The following RFFL variants were observed in gnomAD, a reference collection of about 807,000 sequenced individuals.
The protein encoded by RFFL is ring finger and FYVE like domain containing E3 ubiquitin protein ligase, also known as E3 ubiquitin-protein ligase rififylin.
Under a neutral mutation model 40.4 loss-of-function variants are expected in RFFL, and 16 were observed. The ratio of observed to expected loss-of-function variants is 0.40; its 90% CI spans 0.27 to 0.60. The LOEUF (loss-of-function observed/expected upper bound fraction) is 0.60, where lower values mean the gene tolerates loss of function less well. Ranked by LOEUF, RFFL falls within the 20% of genes least tolerant of loss-of-function variation. The probability of loss-of-function intolerance (pLI) is 0.47; values close to 1 mark genes in which losing one functional copy is unlikely to be tolerated. For missense variants in RFFL, 367 were observed against 451.7 expected, an observed-to-expected ratio of 0.81 and a Z score of 1.70; for synonymous variants, 154 against 167.9, an observed-to-expected ratio of 0.92 and a Z score of 0.64.
intron 1 of RFFL, among the ~76,000 whole-genome samples, chr17:35,075,376 G>A (rs531490697): frequency 6.6e-6 from 1 of 152,160 alleles, no homozygotes; most frequent in Non-Finnish European, 1.5e-5. Flanking sequence ...AGTATTCAGG[G>A]AATGACCATC....
At chr17:35,062,112 A>G (rs1448663333) in intron 1 of RFFL, among the ~76,000 whole-genome samples, 3 of 151,972 alleles carry the variant, frequency 2.0e-5, no homozygotes, top group Non-Finnish European at 4.4e-5. Context: ...GAGCATAAAA[A>G]GAATGAACAA....
chr17:35,079,925 A>T (rs1482058051), intron 1 of RFFL, among the ~76,000 whole-genome samples: 1 of 152,214 alleles, frequency 6.6e-6, no homozygotes, highest in African/African-American at 2.4e-5. Context: ...ACATAAGAGA[A>T]TCTGGAAGAT....
intron 1 of RFFL, among the ~76,000 whole-genome samples, chr17:35,086,434 T>C (rs986486595): frequency 6.6e-6 from 1 of 151,672 alleles, no homozygotes; most frequent in Non-Finnish European, 1.5e-5. Context: ...CTGAAATCAT[T>C]CCATGGCACT....
chr17:35,031,627 A>G (rs1237434402), intron 1 of RFFL, among the ~76,000 whole-genome samples: 1 of 151,970 alleles, frequency 6.6e-6, no homozygotes, highest in Non-Finnish European at 1.5e-5. Context: ...TTGGGAGGCT[A>G]CACAGAGGGA....
At chr17:35,051,488 T>C (rs1955051502) in intron 1 of RFFL, among the ~76,000 whole-genome samples, 1 of 152,142 alleles carries the variant, frequency 6.6e-6, no homozygotes, top group Non-Finnish European at 1.5e-5. Flanking sequence ...AGTATTTCAG[T>C]GACAATAAAG....
At chr17:35,054,439 C>A (rs565928422) in intron 1 of RFFL, among the ~76,000 whole-genome samples, 2 of 152,296 alleles carry the variant, frequency 1.3e-5, no homozygotes, top group African/African-American at 4.8e-5. Context: ...GATGGAGGCA[C>A]ATCTCATACA....
At chr17:35,060,393 T>C (rs569898690) in intron 1 of RFFL, among the ~76,000 whole-genome samples, 6 of 152,286 alleles carry the variant, frequency 3.9e-5, no homozygotes, top group South Asian at 2.1e-4. Context: ...ATAGAGTATA[T>C]TTAACTACTA....
chr17:35,012,508 T>C (rs532093931), intron 6 of RFFL, among the ~76,000 whole-genome samples: 35 of 152,334 alleles, frequency 2.3e-4, no homozygotes, highest in African/African-American at 7.5e-4. Context: ...GAGTGGCACG[T>C]AGGGACTCAT....
chr17:35,017,268 A>G (rs1463271594), intron 4 of RFFL, among the ~76,000 whole-genome samples: 7 of 152,150 alleles, frequency 4.6e-5, no homozygotes, highest in Non-Finnish European at 1.0e-4. Context: ...CAGCTCTTAG[A>G]AAGTCAAGAG....
chr17:35,052,191 C>A (rs145541110), intron 1 of RFFL, among the ~76,000 whole-genome samples: 2,093 of 152,328 alleles, frequency 0.014, 21 homozygotes, highest in Non-Finnish European at 0.019. Flanking sequence ...CCACATCCCA[C>A]ACTGTGAATA....
rs2090927734 is a variant in RFFL at position 35,010,219 on chromosome 17, C to T, written c.*1749G>A. Reference sequence around the variant, plus strand: ...CCAGAGTCATGATTGGTTCTAGTCTCAGATTTTTCAGCTGCATGGGAGGGG... The same window carrying T: ...CCAGAGTCATGATTGGTTCTAGTCTTAGATTTTTCAGCTGCATGGGAGGGG... On this transcript the variant is annotated 3_prime_UTR_variant, in exon 7 of 7. Transcript: ENST00000394597. 1 of 152,184 alleles carries T rather than the reference C, an allele frequency of 6.6e-6. No individual in the cohort carries two copies. Among genetic ancestry groups the T allele is most frequent in the Non-Finnish European group, 1.5e-5 (1 of 68,048 alleles). The allele number at this position is 152,184 out of a possible 1,614,324, so 9.4% of individuals were successfully genotyped here.
At chr17:35,015,634 A>G (rs974065748) in intron 5 of RFFL, among the ~76,000 whole-genome samples, 8 of 152,200 alleles carry the variant, frequency 5.3e-5, no homozygotes, top group African/African-American at 1.9e-4. Flanking sequence ...CACTCTTACC[A>G]AGCAAGGAAT....
chr17:35,033,111 T>C (rs528842871), intron 1 of RFFL, among the ~76,000 whole-genome samples: 3 of 152,170 alleles, frequency 2.0e-5, no homozygotes, highest in South Asian at 2.1e-4. Context: ...GAAGATCCAG[T>C]GTCACCAGGA....
At chr17:35,016,719 C>CA in intron 4 of RFFL, 139 bp from the exon 5 acceptor site, 1 of 648,070 alleles carries the variant, frequency 1.5e-6, no homozygotes, top group Non-Finnish European at 2.7e-6. Context: ...GGATGAGTAC[C>CA]TGGCATGGTG....
At chr17:35,027,345 A>G (rs1567703661) in intron 1 of RFFL, among the ~76,000 whole-genome samples, 1 of 152,234 alleles carries the variant, frequency 6.6e-6, no homozygotes. Flanking sequence ...CATTATGTAC[A>G]GTACTGTTCC....
intron 1 of RFFL, among the ~76,000 whole-genome samples, chr17:35,086,372 G>A (rs2091429344): frequency 6.6e-6 from 1 of 152,090 alleles, no homozygotes; most frequent in Admixed American, 6.5e-5. Flanking sequence ...TGTGGTCCCA[G>A]GTACTTGGGA....
At chr17:35,038,280 C>T (rs952184743) in intron 1 of RFFL, among the ~76,000 whole-genome samples, 7 of 100,264 alleles carry the variant, frequency 7.0e-5, no homozygotes, top group Non-Finnish European at 1.1e-4. Context: ...CAGAGCAAAA[C>T]TGTCTCAAAA....
At chr17:35,033,830 G>A (rs1294624785) in intron 1 of RFFL, among the ~76,000 whole-genome samples, 1 of 151,744 alleles carries the variant, frequency 6.6e-6, no homozygotes, top group East Asian at 1.9e-4. Context: ...AACACACTGA[G>A]ACTCCATCTC....
intron 1 of RFFL, among the ~76,000 whole-genome samples, chr17:35,031,833 C>T (rs1408759229): frequency 1.3e-5 from 2 of 151,974 alleles, no homozygotes; most frequent in African/African-American, 4.8e-5. Context: ...CGGTGGCTCA[C>T]GCCTGTAATC....
Sources: allele counts gnomAD v4.1 joint callset (sites outside exome capture counted in the v4.1 genomes callset), GRCh38; gene constraint gnomAD v4.1.1; transcripts MANE v1.5; gene names NCBI Gene and HGNC (gene_info 2026-07-23, HGNC 2026-07-21).